Variants in KLF12 observed in about 807,000 individuals in gnomAD.
KLF12 encodes the protein KLF transcription factor 12.
Under a neutral mutation model 37.8 loss-of-function variants are expected in KLF12, and 9 were observed. The observed-to-expected ratio is 0.24, with a 90% CI of 0.14 to 0.42. The LOEUF (loss-of-function observed/expected upper bound fraction) is 0.42. KLF12 is among the 10% of genes least tolerant of loss of function. KLF12 has a pLI of 1.00. For synonymous variants in KLF12, 208 were observed against 202.1 expected, an observed-to-expected ratio of 1.03 and a Z score of -0.25; for missense variants, 411 against 516.0, an observed-to-expected ratio of 0.80 and a Z score of 1.97.
At chr13:74,177,903 A>AAT in the KLF12 span, among the ~76,000 whole-genome samples, 1 of 152,202 alleles carries the variant, frequency 6.6e-6, no homozygotes, top group Middle Eastern at 3.2e-3. Context: ...TTAAGAAGCT[A>AAT]ATATATATAA....
the KLF12 span, among the ~76,000 whole-genome samples, chr13:74,140,913 A>G: frequency 5.5e-4 from 82 of 148,364 alleles, no homozygotes; most frequent in Non-Finnish European, 2.4e-4. Context: ...AAAATTAGCC[A>G]GGCGTGGTGG....
At chr13:73,715,078 A>G (rs1437040187) in intron 7 of KLF12, among the ~76,000 whole-genome samples, 2 of 152,212 alleles carry the variant, frequency 1.3e-5, no homozygotes, top group African/African-American at 4.8e-5. Context: ...TTGATGTGCC[A>G]CGTGGACATT....
chr13:73,727,645 T>C (rs1306530332), intron 6 of KLF12, among the ~76,000 whole-genome samples: 4 of 152,158 alleles, frequency 2.6e-5, no homozygotes, highest in African/African-American at 9.7e-5. Context: ...TCCCAATTTA[T>C]TCTCCCCCCT....
chr13:73,835,630 C>A (rs576454853), intron 4 of KLF12, among the ~76,000 whole-genome samples: 1 of 152,210 alleles, frequency 6.6e-6, no homozygotes, highest in Non-Finnish European at 1.5e-5. Flanking sequence ...AGGAGAGATG[C>A]AGTGGGGTCT....
chr13:73,876,593 A>C (rs1886716006), intron 3 of KLF12, among the ~76,000 whole-genome samples: 1 of 152,120 alleles, frequency 6.6e-6, no homozygotes, highest in African/African-American at 2.4e-5. Flanking sequence ...TTCCACATTC[A>C]TTTACGTGGC....
intron 7 of KLF12, among the ~76,000 whole-genome samples, chr13:73,696,542 G>A (rs1211463143): frequency 6.6e-6 from 1 of 152,154 alleles, no homozygotes; most frequent in African/African-American, 2.4e-5. Context: ...ATTCAGAATG[G>A]GAGGCTTGTC....
intron 2 of KLF12, among the ~76,000 whole-genome samples, chr13:73,976,573 C>T (rs1891529577): frequency 6.6e-6 from 1 of 152,160 alleles, no homozygotes; most frequent in African/African-American, 2.4e-5. Context: ...TTTTCTAATC[C>T]ATTTTCTATA....
chr13:74,021,433 AG>A, intron 1 of KLF12, among the ~76,000 whole-genome samples: 1 of 152,332 alleles, frequency 6.6e-6, no homozygotes, highest in Middle Eastern at 3.4e-3. Context: ...GGCTACAAAT[AG>A]GACATGATGT....
the KLF12 span, among the ~76,000 whole-genome samples, chr13:74,246,272 G>T: frequency 6.6e-6 from 1 of 152,196 alleles, no homozygotes; most frequent in Admixed American, 6.5e-5. Flanking sequence ...GGGAATTGCA[G>T]GATGAACTAG....
chr13:73,737,102 T>C (rs1247322087), intron 6 of KLF12, among the ~76,000 whole-genome samples: 1 of 152,162 alleles, frequency 6.6e-6, no homozygotes, highest in African/African-American at 2.4e-5. Flanking sequence ...TCTTACTAGA[T>C]TACCTGAGGG....
At chr13:74,038,559 T>G (rs1362600359) in intron 1 of KLF12, among the ~76,000 whole-genome samples, 3 of 152,182 alleles carry the variant, frequency 2.0e-5, no homozygotes, top group African/African-American at 7.2e-5. Context: ...TATATTATAG[T>G]CCAGCTCCAC....
At chr13:74,132,487 G>A (rs1007677942) in intron 1 of KLF12, among the ~76,000 whole-genome samples, 1 of 152,088 alleles carries the variant, frequency 6.6e-6, no homozygotes, top group African/African-American at 2.4e-5. Context: ...AGTGCTCGCC[G>A]AGAATTCCAT....
At chr13:74,120,577 TAAA>T (rs1027900433) in intron 1 of KLF12, among the ~76,000 whole-genome samples, 1 of 151,588 alleles carries the variant, frequency 6.6e-6, no homozygotes, top group Non-Finnish European at 1.5e-5. Flanking sequence ...CATAAAGAAA[TAAA>T]AAAAACCCTG....
chr13:74,019,357 A>C (rs1015986881), intron 1 of KLF12, among the ~76,000 whole-genome samples: 1 of 152,236 alleles, frequency 6.6e-6, no homozygotes, highest in African/African-American at 2.4e-5. Flanking sequence ...CAAACTGAAA[A>C]GAGTTTAAGT....
intron 6 of KLF12, among the ~76,000 whole-genome samples, chr13:73,731,107 G>A (rs540006312): frequency 1.3e-5 from 2 of 152,092 alleles, no homozygotes; most frequent in African/African-American, 4.8e-5. Context: ...ATGAATCAGA[G>A]GGGACCAATT....
At chr13:74,131,724 CAT>C (rs1490658205) in intron 1 of KLF12, among the ~76,000 whole-genome samples, 2 of 152,284 alleles carry the variant, frequency 1.3e-5, no homozygotes, top group East Asian at 1.9e-4. Flanking sequence ...TTTAACCTGA[CAT>C]AGCCATGTTG....
At chr13:73,797,769 CAAAAA>C (rs34644776) in intron 5 of KLF12, among the ~76,000 whole-genome samples, 7 of 71,672 alleles carry the variant, frequency 9.8e-5, no homozygotes, top group Non-Finnish European at 1.1e-4. Context: ...GATCCTGTCT[CAAAAA>C]AAAAAAAAAA....
intron 6 of KLF12, among the ~76,000 whole-genome samples, chr13:73,720,197 G>A (rs769619747): frequency 3.9e-5 from 6 of 152,078 alleles, no homozygotes; most frequent in Non-Finnish European, 7.3e-5. Context: ...CATCTCACTC[G>A]AGGGCTGTCC....
chr13:74,100,101 A>G (rs1194812437), intron 1 of KLF12, among the ~76,000 whole-genome samples: 1 of 152,104 alleles, frequency 6.6e-6, no homozygotes, highest in Non-Finnish European at 1.5e-5. Flanking sequence ...GAGACCACGG[A>G]CAGAGGGGTT....
Sources: allele counts gnomAD v4.1 joint callset (sites outside exome capture counted in the v4.1 genomes callset), GRCh38; gene constraint gnomAD v4.1.1; transcripts MANE v1.5; gene names NCBI Gene and HGNC (gene_info 2026-07-23, HGNC 2026-07-21).